Variants in VPS50 observed in about 807,000 individuals in gnomAD.
The protein encoded by VPS50 is VPS50 subunit of EARP/GARPII complex.
VPS50 carries 70 observed loss-of-function variants against 139.7 expected under a neutral mutation model. The ratio of observed to expected loss-of-function variants is 0.50; its 90% CI spans 0.41 to 0.61. VPS50 has a LOEUF of 0.61. Ranked by LOEUF, VPS50 falls within the 20% of genes least tolerant of loss-of-function variation. VPS50 has a pLI of 0.00. For missense variants in VPS50, 921 were observed against 1,133.7 expected, an observed-to-expected ratio of 0.81 and a Z score of 2.69; for synonymous variants, 365 against 376.7, an observed-to-expected ratio of 0.97 and a Z score of 0.36.
At chr7:93,348,897 A>C (rs1798479262) in intron 24 of VPS50, 90 bp downstream of exon 24, 1 of 863,390 alleles carries the variant, frequency 1.2e-6, no homozygotes, top group African/African-American at 1.7e-5. Context: ...TTTTAACTGG[A>C]AGTCAGTCTT....
intron 20 of VPS50, among the ~76,000 whole-genome samples, chr7:93,322,940 G>A (rs1364631608): frequency 1.3e-5 from 2 of 152,052 alleles, no homozygotes; most frequent in African/African-American, 4.8e-5. Context: ...TATATTTAGA[G>A]GAAAAGGAAT....
intron 1 of VPS50, among the ~76,000 whole-genome samples, chr7:93,233,627 A>G (rs1157198147): frequency 1.3e-5 from 2 of 152,224 alleles, no homozygotes; most frequent in South Asian, 2.1e-4. Flanking sequence ...TGTTCTGTGA[A>G]TAATAAAAAT....
chr7:93,303,194 T>C (rs1423627870), intron 16 of VPS50, among the ~76,000 whole-genome samples: 1 of 151,970 alleles, frequency 6.6e-6, no homozygotes, highest in African/African-American at 2.4e-5. Context: ...AATAAAACTG[T>C]CATTTCCTAT....
chr7:93,235,436 A>C (rs555543133), intron 1 of VPS50, among the ~76,000 whole-genome samples: 5 of 152,312 alleles, frequency 3.3e-5, no homozygotes, highest in Non-Finnish European at 5.9e-5. Context: ...GAACAGATTG[A>C]AGAGCGGAAA....
intron 12 of VPS50, among the ~76,000 whole-genome samples, chr7:93,281,281 AT>A (rs1796319794): frequency 6.6e-6 from 1 of 152,168 alleles, no homozygotes; most frequent in Non-Finnish European, 1.5e-5. Context: ...AATCATGTCG[AT>A]TTTTTGGGAG....
chr7:93,305,520 G>GACATC (rs1212302270), intron 17 of VPS50, among the ~76,000 whole-genome samples: 1 of 151,774 alleles, frequency 6.6e-6, no homozygotes, highest in Non-Finnish European at 1.5e-5. Flanking sequence ...ATTTTTAGAA[G>GACATC]ACATCATTCA....
chr7:93,330,338 CAGT>C (rs1389514983), intron 21 of VPS50, among the ~76,000 whole-genome samples: 2 of 152,100 alleles, frequency 1.3e-5, no homozygotes, highest in African/African-American at 2.4e-5. Context: ...GAAAATATAA[CAGT>C]AGGTGCAAAC....
intron 16 of VPS50, among the ~76,000 whole-genome samples, chr7:93,299,833 C>T (rs1796925624): frequency 6.6e-6 from 1 of 152,036 alleles, no homozygotes. Context: ...TTTATATACA[C>T]CCAAAGAACA....
At chr7:93,298,502 T>C (rs965745370) in intron 16 of VPS50, among the ~76,000 whole-genome samples, 1 of 152,180 alleles carries the variant, frequency 6.6e-6, no homozygotes, top group African/African-American at 2.4e-5. Flanking sequence ...ATGTCTCTCT[T>C]CCCAGAGATT....
At chr7:93,236,514 G>A (rs1314102769) in intron 1 of VPS50, among the ~76,000 whole-genome samples, 1 of 152,204 alleles carries the variant, frequency 6.6e-6, no homozygotes, top group Non-Finnish European at 1.5e-5. Flanking sequence ...TAAATGAAGA[G>A]GCGAGTGTTA....
intron 20 of VPS50, among the ~76,000 whole-genome samples, chr7:93,319,679 A>G (rs1190777437): frequency 6.6e-6 from 1 of 152,070 alleles, no homozygotes; most frequent in Non-Finnish European, 1.5e-5. Context: ...GTTTGATAGT[A>G]TGTGGACTCT....
At chr7:93,260,298 C>T (rs1795625988) in intron 9 of VPS50, among the ~76,000 whole-genome samples, 1 of 152,044 alleles carries the variant, frequency 6.6e-6, no homozygotes, top group Non-Finnish European at 1.5e-5. Context: ...GTGTAATTTC[C>T]AACATTCCTC....
At chr7:93,306,093 C>A (rs1797109001) in intron 18 of VPS50, 89 bp downstream of exon 18, 2 of 868,710 alleles carry the variant, frequency 2.3e-6, no homozygotes, top group Non-Finnish European at 3.7e-6. Flanking sequence ...ATTTACGTAT[C>A]CATTTACTAC....
At chr7:93,278,222 T>C (rs1796216201) in intron 12 of VPS50, among the ~76,000 whole-genome samples, 1 of 152,162 alleles carries the variant, frequency 6.6e-6, no homozygotes, top group Admixed American at 6.5e-5. Context: ...CTGAAAGATA[T>C]ACTTGGCTTA....
chr7:93,350,027 A>G lies in VPS50; in HGVS notation c.2457A>G (p.Leu819=), dbSNP rs1434668375. ...MSQHNIYVDA[L]LKEFEQFNRR... ...AGCACAACATATATGTAGATGCACT[A>G]TTAAAGGCAAGTGTTCTGGGAAGCA... is the stretch of plus-strand genomic sequence containing the variant. Residue 819 remains leucine (L), a synonymous_variant, in exon 25 of 28, where the codon CTA becomes CTG. Transcript: ENST00000305866. 2 of 1,611,050 alleles carry G rather than the reference A, an allele frequency of 1.2e-6. No individual in the cohort carries two copies. The highest frequency in any genetic ancestry group is 2.2e-5 in the East Asian group (1 of 44,802).
At chr7:93,280,820 T>C (rs1478775323) in intron 12 of VPS50, among the ~76,000 whole-genome samples, 1 of 152,130 alleles carries the variant, frequency 6.6e-6, no homozygotes, top group Non-Finnish European at 1.5e-5. Flanking sequence ...ATCATCTTAA[T>C]GAGCTTTGAG....
intron 4 of VPS50, among the ~76,000 whole-genome samples, chr7:93,254,162 A>T (rs1190163060): frequency 1.3e-5 from 2 of 152,222 alleles, no homozygotes; most frequent in Non-Finnish European, 2.9e-5. Context: ...TTCTCTCTGG[A>T]ATCCTAAATG....
intron 5 of VPS50, among the ~76,000 whole-genome samples, chr7:93,256,898 T>A (rs1409211535): frequency 6.6e-6 from 1 of 152,132 alleles, no homozygotes; most frequent in East Asian, 1.9e-4. Context: ...ACAATCTGGC[T>A]TTAAAATATG....
At position 93,341,761 on chromosome 7, in the gene VPS50, T is replaced by G. The variant is rs1010314330; in HGVS notation, c.2207+186T>G. ...TTTTTTAAACTGCATGGTTGGTTTT[T>G]CAGTTATAGAAATGGAAAGAAGGAA... On this transcript the variant is annotated intron_variant, in intron 23 of 27. Coordinates refer to ENST00000305866, the MANE Select transcript of VPS50 (RefSeq NM_017667.4). Among the ~76,000 whole-genome samples the G allele has an allele frequency of 2.6e-5, 4 of 152,242 alleles. No homozygotes were observed. In the East Asian group the frequency reaches 5.8e-4, roughly 22 times the overall value.
Sources: gnomAD v4.1 joint callset for allele counts (sites outside exome capture counted in the v4.1 genomes callset) on GRCh38, gnomAD v4.1.1 for gene constraint, MANE v1.5 for transcripts, NCBI Gene and HGNC (gene_info 2026-07-23, HGNC 2026-07-21) for gene names.